Variants in GRID2 observed in about 807,000 individuals in gnomAD.
GRID2 encodes glutamate receptor ionotropic, delta-2.
In GRID2, 33 loss-of-function variants were observed where a neutral mutation model predicts 114.8. The observed-to-expected ratio is 0.29, with a 90% confidence interval of 0.22 to 0.38. The LOEUF is 0.38. Ranked by LOEUF, GRID2 falls within the 10% of genes least tolerant of loss-of-function variation. GRID2 has a pLI of 1.00. For missense variants in GRID2, 1,184 were observed against 1,257.7 expected (o/e 0.94, Z 0.89); for synonymous variants, 505 against 449.9 (o/e 1.12, Z -1.55).
intron 14 of GRID2, among the ~76,000 whole-genome samples, chr4:93,692,024 T>A (rs1219607579): frequency 6.6e-6 from 1 of 152,016 alleles, no homozygotes. Context: ...GTTCTAGGAA[T>A]CATGGAAATC....
intron 1 of GRID2, among the ~76,000 whole-genome samples, chr4:92,581,319 T>C (rs1344047331): frequency 6.6e-6 from 1 of 151,930 alleles, no homozygotes; most frequent in Non-Finnish European, 1.5e-5. Context: ...GCATAAACTA[T>C]TCTGAGAGGA....
intron 1 of GRID2, among the ~76,000 whole-genome samples, chr4:92,560,530 T>C (rs1452110975): frequency 6.6e-6 from 1 of 152,224 alleles, no homozygotes; most frequent in Non-Finnish European, 1.5e-5. Flanking sequence ...AAGTCCCTTA[T>C]GATAGTGTTT....
intron 1 of GRID2, among the ~76,000 whole-genome samples, chr4:92,584,910 T>A (rs1728356020): frequency 1.3e-5 from 2 of 152,184 alleles, no homozygotes; most frequent in South Asian, 4.1e-4. Context: ...GCACTACAAT[T>A]TATGAAGCAT....
At chr4:92,425,805 A>G (rs994416909) in intron 1 of GRID2, among the ~76,000 whole-genome samples, 1 of 152,116 alleles carries the variant, frequency 6.6e-6, no homozygotes, top group Non-Finnish European at 1.5e-5. Flanking sequence ...TAATTTATGA[A>G]AGAGATGAAA....
At chr4:93,495,813 T>TGAA (rs1363908018) in intron 12 of GRID2, among the ~76,000 whole-genome samples, 2 of 151,790 alleles carry the variant, frequency 1.3e-5, no homozygotes, top group African/African-American at 4.8e-5. Context: ...TTCATATTTC[T>TGAA]AGGCTAATAT....
At chr4:92,531,334 A>G (rs1725346033) in intron 1 of GRID2, among the ~76,000 whole-genome samples, 1 of 152,174 alleles carries the variant, frequency 6.6e-6, no homozygotes, top group Non-Finnish European at 1.5e-5. Context: ...TCAGTAGAAC[A>G]TAATGTAAAA....
At chr4:92,927,613 C>A (rs536011625) in intron 2 of GRID2, among the ~76,000 whole-genome samples, 1 of 151,768 alleles carries the variant, frequency 6.6e-6, no homozygotes, top group Non-Finnish European at 1.5e-5. Context: ...GACCTTTGCT[C>A]TAGTGAGAAT....
chr4:93,594,978 G>A (rs548472442), intron 13 of GRID2, among the ~76,000 whole-genome samples: 55 of 152,216 alleles, frequency 3.6e-4, no homozygotes, highest in East Asian at 1.5e-3. Context: ...AGATGAACCC[G>A]GTACCTCAGA....
intron 2 of GRID2, among the ~76,000 whole-genome samples, chr4:92,922,968 T>C (rs2149509205): frequency 6.6e-6 from 1 of 152,354 alleles, no homozygotes; most frequent in Middle Eastern, 3.4e-3. Context: ...GTGCACTTGC[T>C]ATGCTGTTGT....
At chr4:93,708,825 A>G (rs919208673) in intron 14 of GRID2, among the ~76,000 whole-genome samples, 6 of 150,860 alleles carry the variant, frequency 4.0e-5, no homozygotes, top group South Asian at 2.1e-4. Flanking sequence ...TTGATGGCAT[A>G]TTTTAATTTC....
chr4:92,775,364 C>T (rs1258051537), intron 2 of GRID2, among the ~76,000 whole-genome samples: 1 of 152,080 alleles, frequency 6.6e-6, no homozygotes, highest in East Asian at 1.9e-4. Context: ...CTGACAAAAA[C>T]AAAATTATCG....
chr4:93,801,590 T>TG (rs1734933556), intron 1 of GRID2, among the ~76,000 whole-genome samples: 1 of 152,200 alleles, frequency 6.6e-6, no homozygotes, highest in African/African-American at 2.4e-5. Flanking sequence ...AGACTTTCTA[T>TG]TAATAATGTA....
intron 2 of GRID2, among the ~76,000 whole-genome samples, chr4:92,950,117 C>T (rs1751920552): frequency 6.6e-6 from 1 of 152,154 alleles, no homozygotes; most frequent in Admixed American, 6.6e-5. Flanking sequence ...GCCAGCTACA[C>T]ACGTTTGGGG....
intron 2 of GRID2, among the ~76,000 whole-genome samples, chr4:92,794,874 T>TTATATA (rs34559735): frequency 0.072 from 7,577 of 105,678 alleles, 302 homozygotes; most frequent in African/African-American, 0.086. Flanking sequence ...AATAATTGTT[T>TTATATA]TATATATATA....
At chr4:92,578,321 A>C (rs1197778288) in intron 1 of GRID2, among the ~76,000 whole-genome samples, 4 of 116,050 alleles carry the variant, frequency 3.4e-5, no homozygotes, top group African/African-American at 1.4e-4. Context: ...TCCCGTGTCC[A>C]TGTGTTCTCA....
Position 93,397,449 on chromosome 4 carries a change from G to A in GRID2, c.1347+1741G>A, listed in dbSNP as rs1765442715. On this transcript the variant is annotated intron_variant, in intron 9 of 15. Coordinates refer to ENST00000282020, the MANE Select transcript of GRID2 (RefSeq NM_001510.4). Reference sequence around the variant, plus strand: ...TCCAGTGATGATTGCAGTGAAAGACGGTATATGTGCTTTGTTTTCCTTTGA... The same window carrying A: ...TCCAGTGATGATTGCAGTGAAAGACAGTATATGTGCTTTGTTTTCCTTTGA... Among the ~76,000 whole-genome samples, 4 of 151,204 alleles carry A rather than the reference G, an allele frequency of 2.6e-5. No homozygotes were observed. In the South Asian group the frequency reaches 8.3e-4, roughly 31 times the overall value.
chr4:93,063,210 A>G (rs1258122921), intron 2 of GRID2, among the ~76,000 whole-genome samples: 2 of 151,770 alleles, frequency 1.3e-5, no homozygotes, highest in African/African-American at 4.8e-5. Flanking sequence ...TTATAATGAT[A>G]TCATTTTAAC....
chr4:93,700,831 C>A (rs149253597), intron 14 of GRID2, among the ~76,000 whole-genome samples: 1 of 152,092 alleles, frequency 6.6e-6, no homozygotes, highest in Non-Finnish European at 1.5e-5. Context: ...GGGGATTGCA[C>A]GTGTGTGCCA....
chr4:93,360,001 C>G (rs1003108470), intron 8 of GRID2, among the ~76,000 whole-genome samples: 1 of 141,144 alleles, frequency 7.1e-6, no homozygotes, highest in Admixed American at 6.9e-5. Flanking sequence ...TCCATATTAC[C>G]TTTGCAAGTC....
Sources: gnomAD v4.1 joint callset for allele counts (sites outside exome capture counted in the v4.1 genomes callset) on GRCh38, gnomAD v4.1.1 for gene constraint, MANE v1.5 for transcripts, NCBI Gene and HGNC (gene_info 2026-07-23, HGNC 2026-07-21) for gene names.